The following PRRC2A variants were observed in gnomAD, a reference collection of about 807,000 sequenced individuals.
PRRC2A encodes proline rich coiled-coil 2A, also known as protein PRRC2A.
PRRC2A carries 59 observed loss-of-function variants against 224.6 expected under a neutral mutation model. The ratio of observed to expected loss-of-function variants is 0.26; its 90% CI spans 0.21 to 0.33. PRRC2A has a LOEUF of 0.33. Ranked by LOEUF, PRRC2A falls within the 10% of genes least tolerant of loss-of-function variation. The pLI is 1.00. For missense variants in PRRC2A, 3,095 were observed against 2,880.7 expected, an observed-to-expected ratio of 1.07 and a Z score of -1.70; for synonymous variants, 1,194 against 1,109.5, an observed-to-expected ratio of 1.08 and a Z score of -1.51.
chr6:31,635,639 C>G lies in PRRC2A; in HGVS notation c.5431C>G (p.Pro1811Ala). The G allele has an allele frequency of 1.2e-6, 2 of 1,612,830 alleles. No homozygotes were observed. The highest frequency in any genetic ancestry group is 1.7e-6 in the Non-Finnish European group (2 of 1,179,902). ...TCCCAGTGCTGCTGCCTCTGCTGAG[C>G]CACAATCCAAGAACCTGGATTCTGG... ...LLPSAAASAE[P>A]QSKNLDSGHC... Residue 1811 changes from proline (P) to alanine (A), a missense_variant, in exon 24 of 31, where the codon CCA (proline) becomes GCA (alanine). By Grantham distance (27) the Pro-to-Ala change is conservative. Coordinates refer to ENST00000376033, the MANE Select transcript of PRRC2A (RefSeq NM_004638.4).
chr6:31,636,427 G>C lies in PRRC2A; in HGVS notation c.5835+8G>C, dbSNP rs771204196. ...GACACATCGTTGCTTCAGGTAAGAG[G>C]GGGGCAGGTATTAGATATTGGGGGA... On this transcript the variant is annotated splice_region_variant and intron_variant, in intron 26 of 30. Coordinates refer to ENST00000376033, the MANE Select transcript of PRRC2A (RefSeq NM_004638.4). This position sits in a 1 kb window ranked among gnomAD's most constrained non-coding sequence, Gnocchi z 4.3. The C allele has an allele frequency of 6.2e-7, 1 of 1,612,854 alleles. No individual in the cohort carries two copies. Among genetic ancestry groups the C allele is most frequent in the Non-Finnish European group, 8.5e-7 (1 of 1,179,904 alleles).
At chr6:31,623,016 A>G in intron 2 of PRRC2A, 115 bp downstream of exon 2, 3 of 936,872 alleles carry the variant, frequency 3.2e-6, no homozygotes, top group Non-Finnish European at 3.5e-6. Context: ...AGACTAGAGG[A>G]GATTTCCCAA....
At position 31,635,989 on chromosome 6, in the gene PRRC2A, C is replaced by T; in HGVS notation, c.5564C>T (p.Ser1855Phe). The change falls in exon 25 of 31, where the codon TCT (serine) becomes TTT (phenylalanine). Residue 1855 changes from serine (S) to phenylalanine (F), a missense_variant. This residue lies in a region of PRRC2A where 662 missense variants were observed against 609.5 expected (regional missense o/e 1.09). Coordinates refer to ENST00000376033, the MANE Select transcript of PRRC2A (RefSeq NM_004638.4). Reference protein sequence around the residue: ...SSQISGGAMDSQLHPNSGGFR... With the variant: ...SSQISGGAMDFQLHPNSGGFR... ...CAGATCTCTGGGGGAGCCATGGACT[C>T]TCAATTACATCCAAACAGTGGAGGC... 1.2e-6 allele frequency: 2 copies of T among 1,613,256 alleles called. No homozygotes were observed. The highest frequency in any genetic ancestry group is 1.7e-6 in the Non-Finnish European group (2 of 1,179,318).
At position 31,634,901 on chromosome 6, in the gene PRRC2A, C is replaced by T. The variant is rs547822406; in HGVS notation, c.5084C>T (p.Ala1695Val). The T allele has an allele frequency of 4.3e-6, 7 of 1,612,900 alleles. No individual in the cohort carries two copies. Among genetic ancestry groups the T allele is most frequent in the South Asian group, 1.1e-5 (1 of 91,090 alleles). The change falls in exon 21 of 31, where the codon GCT becomes GTT. Residue 1695 changes from alanine to valine, a missense_variant. By Grantham distance (64) the Ala-to-Val change is moderately conservative. Around this residue, in one of 8 missense-constraint regions of PRRC2A, gnomAD observed 662 missense variants for 609.5 expected, o/e 1.09. Coordinates refer to ENST00000376033, the MANE Select transcript of PRRC2A (RefSeq NM_004638.4). The part of the protein sequence containing the change: ...KRPGGSSPLN[A>V]VPCEGPPGSE... ...CCTGGAGGCTCCTCACCCCTGAATG[C>T]TGTTCCTTGTGAGGGTCCACCTGGC...
Position 31,624,321 on chromosome 6 carries a change from T to C in PRRC2A, c.351T>C (p.Pro117=). The part of the protein sequence containing the change: ...ESQPLPASQT[P]ASNQPKRPPA... ...AGCCACTGCCGGCTTCACAGACGCC[T>C]GCCTCCAACCAGCCGAAACGACCCC... The change falls in exon 4 of 31, where the codon CCT becomes CCC. Residue 117 remains proline, a synonymous_variant. Transcript: ENST00000376033. 1 of 1,614,008 alleles carries C rather than the reference T, an allele frequency of 6.2e-7. No homozygotes were observed. Among genetic ancestry groups the C allele is most frequent in the Non-Finnish European group, 8.5e-7 (1 of 1,180,010 alleles).
chr6:31,629,428 T>G lies in PRRC2A; in HGVS notation c.1956+94T>G, dbSNP rs191534163. On this transcript the variant is annotated intron_variant, in intron 13 of 30. Coordinates refer to ENST00000376033, the MANE Select transcript of PRRC2A (RefSeq NM_004638.4). ...AAGTTACCTTCTGGGTCCCTTTGCTTCTTTGTCCAGTTGTCTCCATTGTCA... is the reference window on the plus strand; with the variant it reads ...AAGTTACCTTCTGGGTCCCTTTGCTGCTTTGTCCAGTTGTCTCCATTGTCA... The G allele has an allele frequency of 3.2e-5, 47 of 1,489,090 alleles. No individual in the cohort carries two copies. The African/African-American group carries it at 3.4e-4, about 11-fold the overall frequency. The allele number at this position is 1,489,090 out of a possible 1,614,324, so 92.2% of individuals were successfully genotyped here.
At position 31,625,460 on chromosome 6, in the gene PRRC2A, A is replaced by G; in HGVS notation, c.608A>G (p.Asn203Ser). ...SGPGPSLRPQ[N>S]STTWRDGGGR... The stretch of plus-strand genomic sequence containing the variant: ...TCTCTCTACCTTTTCCAAAATACAG[A>G]TTCTACAACTTGGAGGGACGGAGGT... Residue 203 changes from asparagine to serine, a missense_variant and splice_region_variant, in exon 7 of 31, where the codon AAT becomes AGT. Coordinates refer to ENST00000376033, the MANE Select transcript of PRRC2A (RefSeq NM_004638.4). The surrounding 1 kb of genome is among the most constrained non-coding windows in gnomAD (Gnocchi z 4.1). The G allele has an allele frequency of 1.3e-6, 2 of 1,599,454 alleles. No individual in the cohort carries two copies. Among genetic ancestry groups the G allele is most frequent in the Non-Finnish European group, 1.7e-6 (2 of 1,168,890 alleles).
rs773182315 is a variant in PRRC2A, at chr6:31,626,850, G to A, written c.1061G>A (p.Gly354Asp). ...EEDGRDSDEE[G>D]AEGHRDSQSA... ...GATGGGCGAGACTCTGATGAGGAGG[G>A]TGCTGAGGGCCAGTGAGTTAGGGCC... The change falls in exon 10 of 31, where the codon GGT becomes GAT. Residue 354 changes from glycine to aspartate, a missense_variant. Gly to Asp is a moderately conservative substitution (Grantham distance 94). Coordinates refer to ENST00000376033, the MANE Select transcript of PRRC2A (RefSeq NM_004638.4). 2.5e-6 allele frequency: 4 copies of A among 1,608,836 alleles called. No homozygotes were observed. The highest frequency in any genetic ancestry group is 3.4e-6 in the Non-Finnish European group (4 of 1,177,810).
rs114855205 is a variant in PRRC2A, at chr6:31,636,058, C to G, written c.5624+9C>G. On this transcript the variant is annotated intron_variant, in intron 25 of 30. Transcript: ENST00000376033. The surrounding 1 kb of genome is among the most constrained non-coding windows in gnomAD (Gnocchi z 4.3). ...TCACTGCACCCTTACAGGTAAGACT[C>G]GATGCCTGTGGATCACAGAAGTACT... The G allele has an allele frequency of 3.1e-6, 5 of 1,603,844 alleles. No homozygotes were observed. In the African/African-American group the frequency reaches 4.0e-5, roughly 13 times the overall value.
At position 31,622,842 on chromosome 6, in the gene PRRC2A, C is replaced by A; in HGVS notation, c.53C>A (p.Ser18Tyr). The A allele has an allele frequency of 1.2e-6, 2 of 1,614,032 alleles. No individual in the cohort carries two copies. Among genetic ancestry groups the A allele is most frequent in the Non-Finnish European group, 1.7e-6 (2 of 1,180,006 alleles). Reference sequence around the variant, plus strand: ...AAGGGAAAGGATGGAAAGAAGTATTCCTCGCTCAACCTGTTTGATACGTAT... The same window carrying A: ...AAGGGAAAGGATGGAAAGAAGTATTACTCGCTCAACCTGTTTGATACGTAT... ...TAKGKDGKKY[S>Y]SLNLFDTYKG... is the part of the protein sequence containing the mutation. Residue 18 changes from serine (S) to tyrosine (Y), a missense_variant, in exon 2 of 31, where the codon TCC (serine) becomes TAC (tyrosine). Physicochemically the swap from Ser to Tyr is moderately radical, Grantham distance 144 (BLOSUM62 -2). Transcript: ENST00000376033.
Position 31,636,989 on chromosome 6 carries a change from G to A in PRRC2A, c.6147+44G>A. 1 of 1,600,572 alleles carries A rather than the reference G, an allele frequency of 6.2e-7. No homozygotes were observed. Among genetic ancestry groups the A allele is most frequent in the East Asian group, 2.2e-5 (1 of 44,614 alleles). ...GGGGCTAGGGAGCGCCAAGACTTGG[G>A]AGTAGGGATTCTGTATTTCAAGGTA... On this transcript the variant is annotated intron_variant, in intron 28 of 30. Transcript: ENST00000376033. The surrounding 1 kb of genome is among the most constrained non-coding windows in gnomAD (Gnocchi z 4.3).
In PRRC2A at chr6:31,637,758, T is replaced by C. The variant is rs1365388236; in HGVS notation, c.*172T>C. Reference sequence around the variant, plus strand: ...TTGTTAAAAAAGAGTAATAAAAGGATTTAAAAAAAAAAACTTCTACAATGA... The same window carrying C: ...TTGTTAAAAAAGAGTAATAAAAGGACTTAAAAAAAAAAACTTCTACAATGA... On this transcript the variant is annotated 3_prime_UTR_variant, in exon 31 of 31. Coordinates refer to ENST00000376033, the MANE Select transcript of PRRC2A (RefSeq NM_004638.4). 1.8e-5 allele frequency: 8 copies of C among 433,572 alleles called. No homozygotes were observed. Among genetic ancestry groups the C allele is most frequent in the African/African-American group, 1.2e-4 (6 of 48,842 alleles). The allele number at this position is 433,572 out of a possible 1,614,324, so 26.9% of individuals were successfully genotyped here. A position where few individuals can be genotyped will look rare whatever the true frequency, so the allele number is the denominator to read the frequency against.
Position 31,623,844 on chromosome 6 carries a change from T to C in PRRC2A, c.225T>C (p.Asn75=), listed in dbSNP as rs1775591540. Residue 75 remains asparagine, a synonymous_variant, in exon 3 of 31, where the codon AAT becomes AAC. Coordinates refer to ENST00000376033, the MANE Select transcript of PRRC2A (RefSeq NM_004638.4). ...CCGAGAACAAAGGCAATGACCCCAATGTCTCACTAGTGCCAAAAGACGGAA... is the reference window on the plus strand; with the variant it reads ...CCGAGAACAAAGGCAATGACCCCAACGTCTCACTAGTGCCAAAAGACGGAA... ...LKAENKGNDP[N]VSLVPKDGTG... is the part of the protein sequence containing the mutation. The C allele has an allele frequency of 6.2e-7, 1 of 1,614,008 alleles. No individual in the cohort carries two copies. Among genetic ancestry groups the C allele is most frequent in the Non-Finnish European group, 8.5e-7 (1 of 1,180,042 alleles).
intron 1 of PRRC2A, among the ~76,000 whole-genome samples, chr6:31,621,765 C>T (rs1775318241): frequency 6.6e-6 from 1 of 152,198 alleles, no homozygotes; most frequent in Admixed American, 6.5e-5. Flanking sequence ...TTACACTGTT[C>T]CCGTCCATAA....
intron 1 of PRRC2A, among the ~76,000 whole-genome samples, chr6:31,621,636 C>G (rs943765158): frequency 1.3e-5 from 2 of 152,172 alleles, no homozygotes; most frequent in Admixed American, 6.5e-5. Flanking sequence ...CCTCAAACAC[C>G]TACGAAGCAA....
rs1775876127 is a variant in PRRC2A, at chr6:31,626,054, G to A, written c.874G>A (p.Gly292Arg). The change falls in exon 9 of 31, where the codon GGG becomes AGG. Residue 292 changes from glycine to arginine, a missense_variant. Physicochemically the swap from Gly to Arg is moderately radical, Grantham distance 125. Around this residue, in one of 8 missense-constraint regions of PRRC2A, gnomAD observed 287 missense variants for 275.3 expected, o/e 1.04. Transcript: ENST00000376033. The stretch of plus-strand genomic sequence containing the variant: ...CCGTGTGGCGGGCCCCCGAGGCTCA[G>A]GGCCACCAATGCGCTTAGTAGAGCC... ...FPRVAGPRGS[G>R]PPMRLVEPVG... 6.2e-7 allele frequency: 1 copy of A among 1,611,904 alleles called. No homozygotes were observed. Among genetic ancestry groups the A allele is most frequent in the African/African-American group, 1.3e-5 (1 of 74,898 alleles).
chr6:31,627,271 T>G lies in PRRC2A; in HGVS notation c.1290+73T>G. ...GTGTCAGCTGAGTAATTGAAGCGGT[T>G]GTGATATAGAGGAAGGGGGGTGCTA... On this transcript the variant is annotated intron_variant, in intron 11 of 30. Coordinates refer to ENST00000376033, the MANE Select transcript of PRRC2A (RefSeq NM_004638.4). The surrounding 1 kb of genome is among the most constrained non-coding windows in gnomAD (Gnocchi z 5.6). The G allele has an allele frequency of 8.8e-7, 1 of 1,135,406 alleles. No individual in the cohort carries two copies. The highest frequency in any genetic ancestry group is 1.3e-6 in the Non-Finnish European group (1 of 785,656). The allele number at this position is 1,135,406 out of a possible 1,614,324, so 70.3% of individuals were successfully genotyped here.
In PRRC2A at chr6:31,624,337, A is replaced by G; in HGVS notation, c.367A>G (p.Lys123Glu). The change falls in exon 4 of 31, where the codon AAA becomes GAA. Residue 123 changes from lysine (K) to glutamate (E), a missense_variant. Physicochemically the swap from Lys to Glu is moderately conservative, Grantham distance 56 (BLOSUM62 1). Around this residue, in one of 8 missense-constraint regions of PRRC2A, gnomAD observed 52 missense variants for 77.9 expected, o/e 0.67. Coordinates refer to ENST00000376033, the MANE Select transcript of PRRC2A (RefSeq NM_004638.4). ...ACAGACGCCTGCCTCCAACCAGCCG[A>G]AACGACCCCCAGCAGCCCCCGAGGT... Reference protein sequence around the residue: ...ASQTPASNQPKRPPAAPENTP... With the variant: ...ASQTPASNQPERPPAAPENTP... 6.2e-7 allele frequency: 1 copy of G among 1,614,036 alleles called. No individual in the cohort carries two copies. The highest frequency in any genetic ancestry group is 8.5e-7 in the Non-Finnish European group (1 of 1,179,986).
intron 1 of PRRC2A, among the ~76,000 whole-genome samples, 166 bp downstream of exon 1, chr6:31,621,024 C>T (rs907877085): frequency 6.6e-6 from 1 of 152,308 alleles, no homozygotes; most frequent in East Asian, 1.9e-4. Context: ...CCCTCCCCCT[C>T]CGGTACCTCT....
Sources: allele counts gnomAD v4.1 joint callset (sites outside exome capture counted in the v4.1 genomes callset), GRCh38; gene constraint gnomAD v4.1.1; regional missense constraint gnomAD v4.1.1; non-coding constraint Gnocchi (gnomAD v3.1); transcripts MANE v1.5; gene names NCBI Gene and HGNC (gene_info 2026-07-23, HGNC 2026-07-21).